Variants in COA1 observed in about 807,000 individuals in gnomAD.
COA1 encodes cytochrome c oxidase assembly factor 1.
A neutral mutation model predicts 16.0 loss-of-function variants in COA1; 13 were observed. The observed-to-expected ratio is 0.81, with a 90% CI of 0.53 to 1.29. The LOEUF is 1.29. Ranked by LOEUF, COA1 falls within the 50% of genes most tolerant of loss-of-function variation. COA1 has a pLI of 0.00. For synonymous variants in COA1, 65 were observed against 65.7 expected (o/e 0.99, Z 0.05); for missense variants, 179 against 177.0 (o/e 1.01, Z -0.06).
At chr7:43,618,891 A>G (rs1215909378) in intron 6 of COA1, among the ~76,000 whole-genome samples, 1 of 152,152 alleles carries the variant, frequency 6.6e-6, no homozygotes, top group Non-Finnish European at 1.5e-5. Context: ...GAAGTAGATG[A>G]AATCGCTCCA....
intron 1 of COA1, among the ~76,000 whole-genome samples, chr7:43,681,239 C>A (rs1220695334): frequency 2.0e-5 from 3 of 152,166 alleles, no homozygotes; most frequent in Non-Finnish European, 2.9e-5. Flanking sequence ...TGTGCAACTG[C>A]CATTACAGAT....
At chr7:43,657,088 T>G (rs2091836430) in intron 1 of COA1, 1 of 152,002 alleles carries the variant, frequency 6.6e-6, no homozygotes, top group South Asian at 2.1e-4. Flanking sequence ...GAACAGAGAA[T>G]TTGAGTAATA....
intron 4 of COA1, among the ~76,000 whole-genome samples, chr7:43,643,554 C>T (rs1260242135): frequency 6.6e-6 from 1 of 152,212 alleles, no homozygotes; most frequent in East Asian, 1.9e-4. Flanking sequence ...CACGCAGTGT[C>T]GCTGCCGTCC....
At chr7:43,695,088 A>C (rs2094488264) in intron 1 of COA1, among the ~76,000 whole-genome samples, 1 of 152,196 alleles carries the variant, frequency 6.6e-6, no homozygotes, top group Non-Finnish European at 1.5e-5. Flanking sequence ...ACACTCTTAG[A>C]CTAAGTTACC....
chr7:43,624,624 C>CTCCAAGAA, intron 6 of COA1: 1 of 1,614,086 alleles, frequency 6.2e-7, no homozygotes, highest in Non-Finnish European at 8.5e-7. Flanking sequence ...AGCAAATGCC[C>CTCCAAGAA]TCCAAGAAGG....
At chr7:43,629,759 A>G (rs1290827832) in intron 6 of COA1, among the ~76,000 whole-genome samples, 1 of 152,234 alleles carries the variant, frequency 6.6e-6, no homozygotes, top group African/African-American at 2.4e-5. Context: ...GGAATCGCAG[A>G]GGGAATATGT....
At chr7:43,715,366 T>A (rs2095366396) in intron 1 of COA1, among the ~76,000 whole-genome samples, 1 of 151,656 alleles carries the variant, frequency 6.6e-6, no homozygotes, top group African/African-American at 2.4e-5. Flanking sequence ...TAGTCCCAGC[T>A]ACTCGGAAGG....
intron 1 of COA1, among the ~76,000 whole-genome samples, chr7:43,667,906 A>G (rs2092990761): frequency 6.6e-6 from 1 of 152,218 alleles, no homozygotes; most frequent in Admixed American, 6.5e-5. Flanking sequence ...TGTGAACAAA[A>G]TTTGGAGCAT....
chr7:43,668,563 T>A (rs2153190827), intron 1 of COA1, among the ~76,000 whole-genome samples: 1 of 152,314 alleles, frequency 6.6e-6, no homozygotes, highest in South Asian at 2.1e-4. Context: ...TAAATCCTAG[T>A]CTAATTGTTT....
intron 1 of COA1, among the ~76,000 whole-genome samples, chr7:43,661,446 T>A (rs1466048051): frequency 3.3e-5 from 5 of 152,094 alleles, no homozygotes; most frequent in Non-Finnish European, 5.9e-5. Context: ...CCATTCTGGC[T>A]AACACAGTGA....
intron 1 of COA1, among the ~76,000 whole-genome samples, chr7:43,703,920 T>C (rs1404735981): frequency 2.6e-5 from 4 of 152,194 alleles, no homozygotes; most frequent in Non-Finnish European, 5.9e-5. Flanking sequence ...ATTGTGTCAG[T>C]GGGCTATGTA....
intron 1 of COA1, among the ~76,000 whole-genome samples, chr7:43,691,215 T>C (rs1479251178): frequency 6.9e-6 from 1 of 144,934 alleles, no homozygotes; most frequent in African/African-American, 2.6e-5. Context: ...TGCCACTGCA[T>C]TCCAGCCTGG....
At chr7:43,633,491 T>G (rs1350711055) in intron 6 of COA1, 2 of 152,232 alleles carry the variant, frequency 1.3e-5, no homozygotes, top group African/African-American at 4.8e-5. Context: ...GTTCACCATC[T>G]TATGTGGGTG....
chr7:43,609,861 T>G (rs1181259467), intron 6 of COA1, among the ~76,000 whole-genome samples: 1 of 152,234 alleles, frequency 6.6e-6, no homozygotes, highest in East Asian at 1.9e-4. Flanking sequence ...TGATCTACCT[T>G]GACCTCTGCT....
intron 1 of COA1, among the ~76,000 whole-genome samples, chr7:43,726,247 CA>C (rs1255016671): frequency 1.3e-5 from 2 of 152,276 alleles, no homozygotes; most frequent in Admixed American, 6.5e-5. Context: ...AGGGAGGCAA[CA>C]ATGTCTGAAA....
intron 4 of COA1, among the ~76,000 whole-genome samples, chr7:43,644,817 G>GAGAGAGAGAGAGGGAGAGAGAGAC (rs2088714313): frequency 7.9e-6 from 1 of 126,614 alleles, no homozygotes; most frequent in Non-Finnish European, 1.9e-5. Flanking sequence ...GAGAGAGAGA[G>GAGAGAGAGAGAGGGAGAGAGAGAC]AGAGAGAGAG....
chr7:43,727,587 G>A (rs543559823), intron 1 of COA1, among the ~76,000 whole-genome samples: 1 of 152,192 alleles, frequency 6.6e-6, no homozygotes, highest in Non-Finnish European at 1.5e-5. Flanking sequence ...TGAATGTTAA[G>A]TAAAAGAAGC....
downstream of COA1, among the ~76,000 whole-genome samples, chr7:43,634,748 AC>A (rs1184264573): frequency 6.6e-6 from 1 of 152,148 alleles, no homozygotes; most frequent in Non-Finnish European, 1.5e-5. Context: ...TAGGGCAGTT[AC>A]TTCTTAGAGT....
intron 1 of COA1, among the ~76,000 whole-genome samples, chr7:43,690,541 A>C (rs1036126249): frequency 6.6e-6 from 1 of 152,204 alleles, no homozygotes; most frequent in Non-Finnish European, 1.5e-5. Flanking sequence ...TTGCATTCGC[A>C]GCAACCTGGA....
Sources: allele counts gnomAD v4.1 joint callset (sites outside exome capture counted in the v4.1 genomes callset), GRCh38; gene constraint gnomAD v4.1.1; transcripts MANE v1.5; gene names NCBI Gene and HGNC (gene_info 2026-07-23, HGNC 2026-07-21).